The following SLC4A10 variants were observed in gnomAD, a reference collection of about 807,000 sequenced individuals.
SLC4A10 encodes sodium-driven chloride bicarbonate exchanger.
In SLC4A10, 42 loss-of-function variants were observed where a neutral mutation model predicts 137.7. The ratio of observed to expected loss-of-function variants is 0.30; its 90% CI spans 0.24 to 0.39. SLC4A10 has a LOEUF of 0.39. SLC4A10 is among the 10% of genes least tolerant of loss of function. The probability of loss-of-function intolerance (pLI) is 1.00; values close to 1 mark genes in which losing one functional copy is unlikely to be tolerated. For missense variants in SLC4A10, 925 were observed against 1,355.0 expected, an observed-to-expected ratio of 0.68 and a Z score of 4.98; for synonymous variants, 474 against 464.1, an observed-to-expected ratio of 1.02 and a Z score of -0.27.
At chr2:161,873,855 C>G (rs2061299329) in intron 7 of SLC4A10, 61 bp from the exon 8 acceptor site, 4 of 1,506,070 alleles carry the variant, frequency 2.7e-6, no homozygotes, top group Admixed American at 1.9e-5. Flanking sequence ...CCCTCTGGTG[C>G]CTGGCGGAGT....
chr2:161,896,942 A>G (rs2063570608), intron 11 of SLC4A10, among the ~76,000 whole-genome samples: 2 of 152,108 alleles, frequency 1.3e-5, no homozygotes, highest in Admixed American at 1.3e-4. Flanking sequence ...AAAGCGCATT[A>G]CTGTCCTTGT....
intron 4 of SLC4A10, among the ~76,000 whole-genome samples, chr2:161,853,970 A>G (rs1395756267): frequency 6.6e-6 from 1 of 152,176 alleles, no homozygotes; most frequent in Non-Finnish European, 1.5e-5. Context: ...TTACTCCCAC[A>G]TATTTGTTGT....
At chr2:161,871,311 C>T (rs1444266362) in intron 6 of SLC4A10, among the ~76,000 whole-genome samples, 1 of 151,354 alleles carries the variant, frequency 6.6e-6, no homozygotes, top group Non-Finnish European at 1.5e-5. Flanking sequence ...CTACAACTGA[C>T]GTGAATAAAA....
chr2:161,936,762 A>C (rs968740419), intron 15 of SLC4A10, among the ~76,000 whole-genome samples: 1 of 152,172 alleles, frequency 6.6e-6, no homozygotes, highest in Non-Finnish European at 1.5e-5. Context: ...GTTAGATAGA[A>C]TAGAATAGAA....
chr2:161,889,880 A>T (rs1191411938), intron 10 of SLC4A10, among the ~76,000 whole-genome samples: 1 of 152,100 alleles, frequency 6.6e-6, no homozygotes, highest in Non-Finnish European at 1.5e-5. Context: ...CTGTGATGTT[A>T]GGGTGTCAAT....
chr2:161,673,905 G>A (rs1209345399), intron 1 of SLC4A10, among the ~76,000 whole-genome samples: 2 of 152,076 alleles, frequency 1.3e-5, no homozygotes, highest in African/African-American at 2.4e-5. Flanking sequence ...CAGGAGAATC[G>A]CTTGAACCCA....
chr2:161,710,470 GA>G (rs1251609596), intron 1 of SLC4A10: 6 of 227,496 alleles, frequency 2.6e-5, no homozygotes, highest in Non-Finnish European at 4.5e-5. Flanking sequence ...TTGTAAGGTG[GA>G]AAAAAATTAC....
intron 1 of SLC4A10, among the ~76,000 whole-genome samples, chr2:161,644,723 T>C (rs960527672): frequency 2.0e-5 from 3 of 152,198 alleles, no homozygotes; most frequent in East Asian, 1.9e-4. Flanking sequence ...ATTAATAACC[T>C]TTGAAATAGT....
chr2:161,949,092 A>G, intron 17 of SLC4A10, 56 bp from the exon 18 acceptor site: 2 of 1,097,696 alleles, frequency 1.8e-6, no homozygotes, highest in Middle Eastern at 2.1e-4. Context: ...TATGTTCCTG[A>G]GTATTCCTTG....
At chr2:161,673,709 G>A (rs2039980905) in intron 1 of SLC4A10, among the ~76,000 whole-genome samples, 1 of 152,110 alleles carries the variant, frequency 6.6e-6, no homozygotes, top group African/African-American at 2.4e-5. Context: ...ATTAACAATG[G>A]CTGGGCACAG....
At chr2:161,865,984 A>G (rs1559417290) in intron 6 of SLC4A10, among the ~76,000 whole-genome samples, 1 of 152,056 alleles carries the variant, frequency 6.6e-6, no homozygotes, top group Non-Finnish European at 1.5e-5. Flanking sequence ...AAAAAAGATT[A>G]TAGAATAGAA....
intron 2 of SLC4A10, among the ~76,000 whole-genome samples, chr2:161,778,510 T>C (rs1194287749): frequency 6.6e-6 from 1 of 151,912 alleles, no homozygotes; most frequent in Non-Finnish European, 1.5e-5. Flanking sequence ...TTGCATTGAG[T>C]GCCATTCATA....
chr2:161,952,319 G>A (rs907159744), intron 19 of SLC4A10, among the ~76,000 whole-genome samples: 3 of 152,080 alleles, frequency 2.0e-5, no homozygotes, highest in African/African-American at 7.2e-5. Flanking sequence ...TTCTTCATGA[G>A]CCCTTGACAT....
intron 1 of SLC4A10, among the ~76,000 whole-genome samples, chr2:161,684,598 T>C (rs564158814): frequency 6.6e-6 from 1 of 152,370 alleles, no homozygotes; most frequent in Non-Finnish European, 1.5e-5. Context: ...TATCTAGTTA[T>C]GTTACCTTGG....
chr2:161,708,866 G>A (rs1021944145), intron 1 of SLC4A10: 4 of 1,508,814 alleles, frequency 2.7e-6, no homozygotes, highest in Non-Finnish European at 8.8e-7. Context: ...ATATTAGAAT[G>A]TAGGGTGCTT....
At chr2:161,820,546 AT>A (rs1324522658) in intron 3 of SLC4A10, among the ~76,000 whole-genome samples, 1 of 152,178 alleles carries the variant, frequency 6.6e-6, no homozygotes, top group East Asian at 1.9e-4. Flanking sequence ...CGTTATATAA[AT>A]GAAATCATAT....
At chr2:161,787,661 G>A (rs1288498634) in intron 2 of SLC4A10, among the ~76,000 whole-genome samples, 2 of 152,082 alleles carry the variant, frequency 1.3e-5, no homozygotes, top group Non-Finnish European at 2.9e-5. Flanking sequence ...TAATTTGAAA[G>A]ACCAATGTTT....
intron 1 of SLC4A10, among the ~76,000 whole-genome samples, chr2:161,652,493 A>G (rs1238311297): frequency 6.6e-6 from 1 of 152,246 alleles, no homozygotes; most frequent in Non-Finnish European, 1.5e-5. Flanking sequence ...AAATATATTT[A>G]CATTTCTAAT....
At chr2:161,975,839 C>A in intron 24 of SLC4A10, among the ~76,000 whole-genome samples, 1 of 152,138 alleles carries the variant, frequency 6.6e-6, no homozygotes, top group East Asian at 1.9e-4. Flanking sequence ...CCATTGTGTT[C>A]CAGAACAGTC....
Sources: allele counts gnomAD v4.1 joint callset (sites outside exome capture counted in the v4.1 genomes callset), GRCh38; gene constraint gnomAD v4.1.1; transcripts MANE v1.5; gene names NCBI Gene and HGNC (gene_info 2026-07-23, HGNC 2026-07-21).